CBFA2T2: variants seen among roughly 807,000 people sequenced by gnomAD.
CBFA2T2 encodes protein CBFA2T2.
A neutral mutation model predicts 62.2 loss-of-function variants in CBFA2T2; 11 were observed. That is an observed-to-expected ratio of 0.18 (90% CI 0.11 to 0.29). The LOEUF is 0.29. CBFA2T2 is among the 10% of genes least tolerant of loss of function. The probability of loss-of-function intolerance (pLI) is 1.00; values close to 1 mark genes in which losing one functional copy is unlikely to be tolerated. For missense variants in CBFA2T2, 592 were observed against 774.1 expected (o/e 0.76, Z 2.79); for synonymous variants, 295 against 287.5 (o/e 1.03, Z -0.27).
At chr20:33,607,165 T>C (rs1002247964) in intron 2 of CBFA2T2, 66 bp downstream of exon 2, 1 of 1,469,358 alleles carries the variant, frequency 6.8e-7, no homozygotes, top group Non-Finnish European at 9.4e-7. Context: ...GACTGACTTG[T>C]ATGAAGCGTT....
intron 4 of CBFA2T2, among the ~76,000 whole-genome samples, chr20:33,620,387 C>T (rs933991161): frequency 6.6e-6 from 1 of 152,006 alleles, no homozygotes; most frequent in African/African-American, 2.4e-5. Flanking sequence ...CGCTTGTAGT[C>T]CCAGCTAGTT....
Position 33,490,276 on chromosome 20 carries a change from C to T in CBFA2T2, c.9C>T (p.Gly3=). The change falls in exon 1 of 11, where the codon GGC becomes GGT. Residue 3 remains glycine, a synonymous_variant. Coordinates refer to ENST00000342704, the MANE Select transcript of CBFA2T2 (RefSeq NM_001032999.3). The part of the protein sequence containing the change: MV[G]VPGAAAFQLG... The stretch of plus-strand genomic sequence containing the variant: ...GGCGGCGGCGCTCGGCGATGGTAGG[C>T]GTCCCTGGAGCGGCCGCCTTCCAGC... 7.9e-7 allele frequency: 1 copy of T among 1,258,698 alleles called. No homozygotes were observed. 78.0% of individuals were successfully genotyped at this position (1,258,698 alleles called of 1,614,324 possible).
rs1168037422 is a variant in CBFA2T2 at position 33,606,995 on chromosome 20, C to T, written c.74C>T (p.Pro25Leu). 6.2e-7 allele frequency: 1 copy of T among 1,614,018 alleles called. No individual in the cohort carries two copies. Among genetic ancestry groups the T allele is most frequent in the Non-Finnish European group, 8.5e-7 (1 of 1,179,928 alleles). ...EKRVPAMPGS[P>L]VEVKIQSRSS... ...AGGGTGCCAGCGATGCCTGGATCGC[C>T]TGTGGAAGTGAAGATACAGTCCAGA... Residue 25 changes from proline to leucine, a missense_variant, in exon 2 of 11, where the codon CCT becomes CTT. Coordinates refer to ENST00000342704, the MANE Select transcript of CBFA2T2 (RefSeq NM_001032999.3).
intron 1 of CBFA2T2, among the ~76,000 whole-genome samples, chr20:33,597,228 G>T (rs563466719): frequency 1.3e-5 from 2 of 151,876 alleles, no homozygotes; most frequent in East Asian, 3.9e-4. Flanking sequence ...CACTGTACCC[G>T]GCCTTTTGAC....
intron 1 of CBFA2T2, among the ~76,000 whole-genome samples, chr20:33,591,467 C>CAAAAAAAAAAA (rs11475752): frequency 2.5e-4 from 25 of 98,058 alleles, no homozygotes; most frequent in Middle Eastern, 5.7e-3. Flanking sequence ...GAGTAAATCT[C>CAAAAAAAAAAA]AAAAAAAAAA....
At chr20:33,596,543 CTTGG>C (rs2014898839) in intron 1 of CBFA2T2, among the ~76,000 whole-genome samples, 1 of 152,054 alleles carries the variant, frequency 6.6e-6, no homozygotes, top group Non-Finnish European at 1.5e-5. Flanking sequence ...CCCTTATTTC[CTTGG>C]CTTTTCTTTT....
At chr20:33,498,870 C>T (rs2011234352) in intron 1 of CBFA2T2, among the ~76,000 whole-genome samples, 1 of 151,922 alleles carries the variant, frequency 6.6e-6, no homozygotes, top group Non-Finnish European at 1.5e-5. Context: ...TGGCAAAACC[C>T]CGTCTCTTCT....
chr20:33,547,687 A>ATGTGTGTGTGTGTGTGTG (rs60988030), intron 1 of CBFA2T2, among the ~76,000 whole-genome samples: 1 of 139,072 alleles, frequency 7.2e-6, no homozygotes, highest in Non-Finnish European at 1.5e-5. Context: ...TCTCAAAAAA[A>ATGTGTGTGTGTGTGTGTG]TGTGTGTGTG....
intron 1 of CBFA2T2, among the ~76,000 whole-genome samples, chr20:33,516,128 G>A (rs1322129415): frequency 2.0e-5 from 3 of 151,536 alleles, no homozygotes; most frequent in East Asian, 1.9e-4. Flanking sequence ...AGCAAGACCC[G>A]GCCTCAAAAA....
At chr20:33,531,177 ACAGTGT>A (rs1320713439) in intron 1 of CBFA2T2, among the ~76,000 whole-genome samples, 2 of 152,204 alleles carry the variant, frequency 1.3e-5, no homozygotes, top group South Asian at 2.1e-4. Context: ...AGGGTGCAGT[ACAGTGT>A]CAGTGTCAGT....
intron 6 of CBFA2T2, among the ~76,000 whole-genome samples, chr20:33,625,519 G>C (rs962435445): frequency 1.3e-5 from 2 of 152,188 alleles, no homozygotes; most frequent in Non-Finnish European, 2.9e-5. Flanking sequence ...ATTCTCAGAT[G>C]GTTCAGAAGA....
chr20:33,629,651 C>T, intron 7 of CBFA2T2, 68 bp from the exon 8 acceptor site: 1 of 1,400,276 alleles, frequency 7.1e-7, no homozygotes, highest in Non-Finnish European at 9.8e-7. Flanking sequence ...ATTGCGTTGG[C>T]CTGATTTACA....
chr20:33,516,843 A>T (rs1023878262), intron 1 of CBFA2T2, among the ~76,000 whole-genome samples: 5 of 152,250 alleles, frequency 3.3e-5, no homozygotes, highest in Admixed American at 3.3e-4. Flanking sequence ...TGGGAAGGAC[A>T]CAAAACTATT....
Position 33,623,225 on chromosome 20 carries a change from T to G in CBFA2T2, c.621T>G (p.Ile207Met). ...AACACCTTCTGCTCAACACAAGCATTGCATCGCCTGCTGACTCGTCAGAGT... is the reference window on the plus strand; with the variant it reads ...AACACCTTCTGCTCAACACAAGCATGGCATCGCCTGCTGACTCGTCAGAGT... ...QHEHLLLNTS[I>M]ASPADSSELL... is the part of the protein sequence containing the mutation. Residue 207 changes from isoleucine (I) to methionine (M), a missense_variant, in exon 5 of 11, where the codon ATT (isoleucine) becomes ATG (methionine). Physicochemically the swap from Ile to Met is conservative, Grantham distance 10 (BLOSUM62 1). Coordinates refer to ENST00000342704, the MANE Select transcript of CBFA2T2 (RefSeq NM_001032999.3). 1 of 1,614,252 alleles carries G rather than the reference T, an allele frequency of 6.2e-7. No homozygotes were observed. The highest frequency in any genetic ancestry group is 8.5e-7 in the Non-Finnish European group (1 of 1,180,038).
intron 1 of CBFA2T2, among the ~76,000 whole-genome samples, chr20:33,514,938 C>T (rs531646948): frequency 6.6e-6 from 1 of 151,832 alleles, no homozygotes; most frequent in African/African-American, 2.4e-5. Context: ...GTGATCCGCC[C>T]GCCTTGGCCT....
chr20:33,610,664 C>G (rs2015489236), intron 2 of CBFA2T2, among the ~76,000 whole-genome samples: 1 of 152,102 alleles, frequency 6.6e-6, no homozygotes, highest in Non-Finnish European at 1.5e-5. Flanking sequence ...GTGTCTTGCT[C>G]ACATGCTACC....
rs577982973 is a variant in CBFA2T2 at position 33,641,780 on chromosome 20, G to A, written c.1488+1249G>A. Among the ~76,000 whole-genome samples the A allele has an allele frequency of 7.9e-5, 12 of 151,504 alleles. No individual in the cohort carries two copies. The South Asian group carries it at 1.9e-3, about 24-fold the overall frequency. ...ATATTTTTAATAGAGATGGGCTTTC[G>A]CCATGTTGGCCAGGCTAATCTTGAA... On this transcript the variant is annotated intron_variant, in intron 10 of 10. Transcript: ENST00000342704.
At position 33,600,648 on chromosome 20, in the gene CBFA2T2, C is replaced by G. The variant is rs367910801; in HGVS notation, c.35-6308C>G. Among the ~76,000 whole-genome samples, 7 of 152,266 alleles carry G rather than the reference C, an allele frequency of 4.6e-5. No homozygotes were observed. In the South Asian group the frequency reaches 8.3e-4, roughly 18 times the overall value. On this transcript the variant is annotated intron_variant, in intron 1 of 10. Coordinates refer to ENST00000342704, the MANE Select transcript of CBFA2T2 (RefSeq NM_001032999.3). ...TATTCAAACTATATCCCATGTGCTA[C>G]CTGGAGAGCCCATGTAGCCTTTCCA...
chr20:33,502,337 A>G (rs894855584), intron 1 of CBFA2T2, among the ~76,000 whole-genome samples: 2 of 151,714 alleles, frequency 1.3e-5, no homozygotes, highest in Non-Finnish European at 2.9e-5. Flanking sequence ...ACATTCCCAC[A>G]TTTTTTAACT....
Sources: gnomAD v4.1 joint callset for allele counts (sites outside exome capture counted in the v4.1 genomes callset) on GRCh38, gnomAD v4.1.1 for gene constraint, MANE v1.5 for transcripts, NCBI Gene and HGNC (gene_info 2026-07-23, HGNC 2026-07-21) for gene names.